Variants in IFT140 observed in about 807,000 individuals in gnomAD.
IFT140 encodes the protein intraflagellar transport protein 140 homolog.
IFT140 carries 133 observed loss-of-function variants against 164.6 expected under a neutral mutation model. That is an observed-to-expected ratio of 0.81 (90% confidence interval 0.70 to 0.93). The LOEUF is 0.93. IFT140 is among the 40% of genes least tolerant of loss of function. IFT140 has a pLI of 0.00. For missense variants in IFT140, 2,045 were observed against 1,972.3 expected, an observed-to-expected ratio of 1.04 and a Z score of -0.70; for synonymous variants, 860 against 817.3, an observed-to-expected ratio of 1.05 and a Z score of -0.89.
intron 3 of IFT140, 85 bp downstream of exon 3, chr16:1,607,031 CACAT>C: frequency 2.3e-6 from 3 of 1,318,844 alleles, no homozygotes; most frequent in South Asian, 1.3e-5. Flanking sequence ...GGCACACACA[CACAT>C]GTGCACACAC....
intron 19 of IFT140, among the ~76,000 whole-genome samples, chr16:1,546,973 T>G (rs1355346475): frequency 2.0e-5 from 3 of 152,218 alleles, no homozygotes; most frequent in Non-Finnish European, 2.9e-5. Context: ...CCCCAGTCGG[T>G]GCTCACATGA....
intron 5 of IFT140, 70 bp from the exon 6 acceptor site, chr16:1,592,388 C>T (rs2035225420): frequency 6.2e-7 from 1 of 1,611,304 alleles, no homozygotes; most frequent in Non-Finnish European, 8.5e-7. Context: ...TGGGGCCCCT[C>T]CTGGGTCAGG....
At chr16:1,557,364 C>T (rs1408531128) in intron 19 of IFT140, among the ~76,000 whole-genome samples, 1 of 152,232 alleles carries the variant, frequency 6.6e-6, no homozygotes, top group Non-Finnish European at 1.5e-5. Flanking sequence ...ACCTGTGTGA[C>T]AGGCATTATC....
chr16:1,562,055 C>G lies in IFT140; in HGVS notation c.2129G>C (p.Ser710Thr). 6.2e-7 allele frequency: 1 copy of G among 1,612,110 alleles called. No individual in the cohort carries two copies. The highest frequency in any genetic ancestry group is 8.5e-7 in the Non-Finnish European group (1 of 1,179,166). Reference sequence around the variant, plus strand: ...GTGGGAGGTGGCAGGCCGGGGGAAGCTCTCATGAAGCAGGAAGCCGTGCTC... The same window carrying G: ...GTGGGAGGTGGCAGGCCGGGGGAAGGTCTCATGAAGCAGGAAGCCGTGCTC... ...SEEHGFLLHE[S>T]FPRPATSHSL... Residue 710 changes from serine (S) to threonine (T), a missense_variant, in exon 18 of 31, where the codon AGC becomes ACC. By Grantham distance (58) the Ser-to-Thr change is moderately conservative. Coordinates refer to ENST00000426508, the MANE Select transcript of IFT140 (RefSeq NM_014714.4).
chr16:1,539,736 G>A lies in IFT140; in HGVS notation c.2400-12940C>T, dbSNP rs568414469. The stretch of plus-strand genomic sequence containing the variant: ...AAATGAGCGAGGGGCAGCTGCTGCC[G>A]CTTCCCATGGCCCTGTCAGTGGTGC... On this transcript the variant is annotated intron_variant, in intron 19 of 30. Transcript: ENST00000426508. Among the ~76,000 whole-genome samples, 4 of 152,334 alleles carry A rather than the reference G, an allele frequency of 2.6e-5. No homozygotes were observed. In the South Asian group the frequency reaches 8.3e-4, roughly 32 times the overall value.
chr16:1,571,603 G>C, intron 13 of IFT140, 69 bp from the exon 14 acceptor site: 1 of 1,459,820 alleles, frequency 6.9e-7, no homozygotes, highest in Non-Finnish European at 9.4e-7. Flanking sequence ...AGATAACCTT[G>C]TACACACAAG....
intron 4 of IFT140, 25 bp downstream of exon 4, chr16:1,602,345 C>T (rs1020370542): frequency 6.2e-7 from 1 of 1,600,942 alleles, no homozygotes; most frequent in Non-Finnish European, 8.6e-7. Context: ...GGTCTGAAAA[C>T]AGCGTCTTGC....
At chr16:1,563,446 C>CCGTCTCAAAAAAAAAAAAAAA (rs1567375165) in intron 17 of IFT140, among the ~76,000 whole-genome samples, 2 of 150,696 alleles carry the variant, frequency 1.3e-5, no homozygotes, top group African/African-American at 4.9e-5. Context: ...GAGAGAGACT[C>CCGTCTCAAAAAAAAAAAAAAA]AAAAAACAAA....
In IFT140 at chr16:1,564,223, C is replaced by T; in HGVS notation, c.1902-61G>A. 6 of 1,422,714 alleles carry T rather than the reference C, an allele frequency of 4.2e-6. No individual in the cohort carries two copies. Among genetic ancestry groups the T allele is most frequent in the Non-Finnish European group, 5.7e-6 (6 of 1,053,486 alleles). 88.1% of individuals were successfully genotyped at this position (1,422,714 alleles called of 1,614,324 possible). On this transcript the variant is annotated intron_variant, in intron 16 of 30. Coordinates refer to ENST00000426508, the MANE Select transcript of IFT140 (RefSeq NM_014714.4). This position sits in a 1 kb window ranked among gnomAD's most constrained non-coding sequence, Gnocchi z 5.5. The stretch of plus-strand genomic sequence containing the variant: ...GCGGGCACTCCTGCTACCAGTCTCC[C>T]TCCCACACACATTCCCGAAGCCTCC...
At chr16:1,546,559 T>C (rs558108000) in intron 19 of IFT140, among the ~76,000 whole-genome samples, 41 of 152,330 alleles carry the variant, frequency 2.7e-4, no homozygotes, top group African/African-American at 8.2e-4. Context: ...CTGGGTAACA[T>C]GCATGCTGAG....
intron 30 of IFT140, among the ~76,000 whole-genome samples, chr16:1,512,328 T>C (rs1438460162): frequency 1.3e-5 from 2 of 151,898 alleles, no homozygotes; most frequent in Non-Finnish European, 2.9e-5. Flanking sequence ...TGTGCTCAGA[T>C]GATGGATGAT....
In IFT140 at chr16:1,590,092, T is replaced by C. The variant is rs907467590; in HGVS notation, c.635-312A>G. ...GGTATGTGCCTGTAATCCCATCTACTTGGGAGACCTAGGCATGGGAATCAC... is the reference window on the plus strand; with the variant it reads ...GGTATGTGCCTGTAATCCCATCTACCTGGGAGACCTAGGCATGGGAATCAC... On this transcript the variant is annotated intron_variant, in intron 6 of 30. Transcript: ENST00000426508. 7.9e-5 allele frequency among the ~76,000 whole-genome samples: 12 copies of C among 151,046 alleles called. No homozygotes were observed. In the South Asian group the frequency reaches 2.5e-3, roughly 32 times the overall value.
At chr16:1,528,085 G>A (rs1165038536) in intron 19 of IFT140, among the ~76,000 whole-genome samples, 7 of 152,134 alleles carry the variant, frequency 4.6e-5, no homozygotes, top group Non-Finnish European at 7.4e-5. Context: ...GGCGGGAGGT[G>A]GGTCCAAGGC....
chr16:1,556,750 T>A (rs1055982009), intron 19 of IFT140, among the ~76,000 whole-genome samples: 1 of 152,170 alleles, frequency 6.6e-6, no homozygotes, highest in African/African-American at 2.4e-5. Context: ...GACAAGGAAT[T>A]TTTATTTTTT....
At chr16:1,547,014 C>G (rs1402296778) in intron 19 of IFT140, among the ~76,000 whole-genome samples, 1 of 152,220 alleles carries the variant, frequency 6.6e-6, no homozygotes, top group African/African-American at 2.4e-5. Flanking sequence ...GGACCTGTGG[C>G]ATCTTTGCTA....
At chr16:1,587,176 G>T in intron 9 of IFT140, 22 bp downstream of exon 9, 1 of 1,471,060 alleles carries the variant, frequency 6.8e-7, no homozygotes, top group Non-Finnish European at 9.5e-7. Flanking sequence ...TGTTTCTCTT[G>T]TGCCAGGCCA....
chr16:1,525,634 C>T (rs1198881695), intron 21 of IFT140, among the ~76,000 whole-genome samples: 1 of 152,230 alleles, frequency 6.6e-6, no homozygotes, highest in Non-Finnish European at 1.5e-5. Flanking sequence ...CATCTGTGCT[C>T]GGCAACTGAC....
chr16:1,548,778 G>A (rs1006315803), intron 19 of IFT140, among the ~76,000 whole-genome samples: 4 of 152,228 alleles, frequency 2.6e-5, no homozygotes, highest in Non-Finnish European at 5.9e-5. Context: ...CCACAGCGCA[G>A]TGCGATCATG....
At chr16:1,560,862 G>A (rs1273154610) in intron 18 of IFT140, among the ~76,000 whole-genome samples, 2 of 152,336 alleles carry the variant, frequency 1.3e-5, no homozygotes, top group East Asian at 1.9e-4. Context: ...CCTCTGATTT[G>A]ACAGTAAACA....
Sources: allele counts gnomAD v4.1 joint callset (sites outside exome capture counted in the v4.1 genomes callset), GRCh38; gene constraint gnomAD v4.1.1; non-coding constraint Gnocchi (gnomAD v3.1); transcripts MANE v1.5; gene names NCBI Gene and HGNC (gene_info 2026-07-23, HGNC 2026-07-21).